ATP5MG: variants seen among roughly 807,000 people sequenced by gnomAD.
The protein encoded by ATP5MG is ATP synthase membrane subunit g.
Under a neutral mutation model 12.7 loss-of-function variants are expected in ATP5MG, and 7 were observed. That is an observed-to-expected ratio of 0.55 (90% CI 0.31 to 1.04). The LOEUF (loss-of-function observed/expected upper bound fraction) is 1.04. Among genes scored for constraint, ATP5MG ranks in the 50% least tolerant of loss-of-function variants. The probability of loss-of-function intolerance (pLI) is 0.05; values close to 1 mark genes in which losing one functional copy is unlikely to be tolerated. For missense variants in ATP5MG, 116 were observed against 126.7 expected, an observed-to-expected ratio of 0.92 and a Z score of 0.41; for synonymous variants, 53 against 48.2, an observed-to-expected ratio of 1.10 and a Z score of -0.41.
intron 1 of ATP5MG, 40 bp downstream of exon 1, chr11:118,401,757 G>C (rs782560095): frequency 6.2e-7 from 1 of 1,603,188 alleles, no homozygotes; most frequent in South Asian, 1.1e-5. Flanking sequence ...GCACACGGGC[G>C]GCAGGGAGGC....
intron 2 of ATP5MG, 52 bp from the exon 3 acceptor site, chr11:118,408,948 T>TAA: frequency 2.2e-6 from 1 of 449,758 alleles, no homozygotes; most frequent in Non-Finnish European, 3.5e-6. Flanking sequence ...TATATATATA[T>TAA]AATTATATAT....
chr11:118,406,961 G>C lies in ATP5MG; in HGVS notation c.77G>C (p.Arg26Pro), dbSNP rs571756379. 6.2e-7 allele frequency: 1 copy of C among 1,611,914 alleles called. No homozygotes were observed. Among genetic ancestry groups the C allele is most frequent in the Non-Finnish European group, 8.5e-7 (1 of 1,178,990 alleles). The change falls in exon 2 of 3, where the codon CGA becomes CCA. Residue 26 changes from arginine to proline, a missense_variant. Arg to Pro is a moderately radical substitution (Grantham distance 103, BLOSUM62 -2). Transcript: ENST00000300688. ...GCTGCTGTGACTTACTCGAAGCCTC[G>C]ATTGGCCACATTTTGGTACTACGCC... ...VNAAVTYSKP[R>P]LATFWYYAKV... is the part of the protein sequence containing the mutation.
intron 1 of ATP5MG, among the ~76,000 whole-genome samples, chr11:118,404,764 A>G (rs1948958175): frequency 1.3e-5 from 2 of 152,224 alleles, no homozygotes; most frequent in Non-Finnish European, 1.5e-5. Context: ...AGCCTATCCC[A>G]TAAAGGCAAG....
chr11:118,401,683 T>TA lies in ATP5MG; in HGVS notation c.20dup (p.Asn7LysfsTer31). 6.2e-7 allele frequency: 1 copy of TA among 1,614,034 alleles called. No individual in the cohort carries two copies. The highest frequency in any genetic ancestry group is 8.5e-7 in the Non-Finnish European group (1 of 1,179,986). ...CCAGAACCATGGCCCAATTTGTCCG[T>TA]AACCTTGTGGAGAAGACCCCGGCGC... On this transcript the variant is annotated frameshift_variant, in exon 1 of 3. Transcript: ENST00000300688. LOFTEE classifies it high-confidence loss of function.
Position 118,409,135 on chromosome 11 carries a change from T to C in ATP5MG, c.*37T>C. ...TAACATCTGATTATATTTGATTTAT[T>C]ATTTGAGTGTTGTTGGACCATGTGT... On this transcript the variant is annotated 3_prime_UTR_variant, in exon 3 of 3. Coordinates refer to ENST00000300688, the MANE Select transcript of ATP5MG (RefSeq NM_006476.5). 6.9e-7 allele frequency: 1 copy of C among 1,447,462 alleles called. No homozygotes were observed. The allele number at this position is 1,447,462 out of a possible 1,614,324, so 89.7% of individuals were successfully genotyped here.
At chr11:118,402,102 A>G (rs1948932863) in intron 1 of ATP5MG, among the ~76,000 whole-genome samples, 1 of 152,162 alleles carries the variant, frequency 6.6e-6, no homozygotes, top group Admixed American at 6.5e-5. Flanking sequence ...AAAGTAAATC[A>G]ATTCGGCCTC....
chr11:118,404,461 G>A (rs902715759), intron 1 of ATP5MG, among the ~76,000 whole-genome samples: 1 of 152,116 alleles, frequency 6.6e-6, no homozygotes, highest in Non-Finnish European at 1.5e-5. Flanking sequence ...ACAGTTTTAA[G>A]GTATCTAGGT....
chr11:118,409,526 G>C lies in ATP5MG; in HGVS notation c.*428G>C, dbSNP rs1291958928. The C allele has an allele frequency of 3.9e-5, 6 of 152,274 alleles. No homozygotes were observed. Among genetic ancestry groups the C allele is most frequent in the African/African-American group, 1.4e-4 (6 of 41,430 alleles). 9.4% of individuals were successfully genotyped at this position (152,274 alleles called of 1,614,324 possible). A position where few individuals can be genotyped will look rare whatever the true frequency, so the allele number is the denominator to read the frequency against. On this transcript the variant is annotated 3_prime_UTR_variant, in exon 3 of 3. Coordinates refer to ENST00000300688, the MANE Select transcript of ATP5MG (RefSeq NM_006476.5). The stretch of plus-strand genomic sequence containing the variant: ...CAGTAGTTAGAATAACATTTCAACT[G>C]TTTTCTTTGCTAAAATCACAGAAAG...
At chr11:118,407,506 T>C (rs1395718210) in intron 2 of ATP5MG, 1 of 163,938 alleles carries the variant, frequency 6.1e-6, no homozygotes, top group African/African-American at 2.4e-5. Flanking sequence ...ACACTTCTTA[T>C]ATATAAGATA....
chr11:118,405,570 G>T (rs1565546310), intron 1 of ATP5MG: 1 of 782,208 alleles, frequency 1.3e-6, no homozygotes, highest in Non-Finnish European at 1.6e-6. Context: ...TTTTTTTAAG[G>T]ATGAAATGTC....
In ATP5MG at chr11:118,401,709, T is replaced by C. The variant is rs1555131102; in HGVS notation, c.44T>C (p.Leu15Pro). 6.2e-7 allele frequency: 1 copy of C among 1,613,002 alleles called. No homozygotes were observed. The highest frequency in any genetic ancestry group is 8.5e-7 in the Non-Finnish European group (1 of 1,179,258). ...AACCTTGTGGAGAAGACCCCGGCGCTGGTGAACGGTGAGCGCGATGTGAGA... is the reference window on the plus strand; with the variant it reads ...AACCTTGTGGAGAAGACCCCGGCGCCGGTGAACGGTGAGCGCGATGTGAGA... ...VRNLVEKTPA[L>P]VNAAVTYSKP... Residue 15 changes from leucine (L) to proline (P), a missense_variant, in exon 1 of 3, where the codon CTG becomes CCG. Coordinates refer to ENST00000300688, the MANE Select transcript of ATP5MG (RefSeq NM_006476.5).
chr11:118,407,003 C>T lies in ATP5MG; in HGVS notation c.119C>T (p.Pro40Leu), dbSNP rs1165343213. 2.5e-6 allele frequency: 4 copies of T among 1,613,916 alleles called. No individual in the cohort carries two copies. The highest frequency in any genetic ancestry group is 2.5e-6 in the Non-Finnish European group (3 of 1,180,006). ...TACTACGCCAAGGTTGAGCTGGTTC[C>T]TCCCACCCCTGCTGAGATCCCTAGA... ...FWYYAKVELVPPTPAEIPRAI... is the reference protein window; with the variant it reads ...FWYYAKVELVLPTPAEIPRAI... The change falls in exon 2 of 3, where the codon CCT (proline) becomes CTT (leucine). Residue 40 changes from proline (P) to leucine (L), a missense_variant. Pro to Leu is a moderately conservative substitution (Grantham distance 98). Transcript: ENST00000300688.
chr11:118,402,723 A>C (rs1487394791), intron 1 of ATP5MG, among the ~76,000 whole-genome samples: 3 of 145,482 alleles, frequency 2.1e-5, no homozygotes, highest in Non-Finnish European at 4.5e-5. Flanking sequence ...TTCCTAGAAG[A>C]CAGGGACTCA....
chr11:118,404,007 A>G (rs1948952321), intron 1 of ATP5MG: 1 of 152,184 alleles, frequency 6.6e-6, no homozygotes, highest in Admixed American at 6.5e-5. Context: ...GTTATGAAAT[A>G]TATAATATGA....
chr11:118,401,855 C>G lies in ATP5MG; in HGVS notation c.52+138C>G, dbSNP rs1948930344. 3 of 1,025,232 alleles carry G rather than the reference C, an allele frequency of 2.9e-6. No homozygotes were observed. In the East Asian group the frequency reaches 7.9e-5, roughly 27 times the overall value. 63.5% of individuals were successfully genotyped at this position (1,025,232 alleles called of 1,614,324 possible). A position where few individuals can be genotyped will look rare whatever the true frequency, so the allele number is the denominator to read the frequency against. On this transcript the variant is annotated intron_variant, in intron 1 of 2. Coordinates refer to ENST00000300688, the MANE Select transcript of ATP5MG (RefSeq NM_006476.5). ...CGGGATGGCCTGCAGGTGGAGGGAG[C>G]AGGAAGCAGGTTGGCGACTCTTTTC... is the stretch of plus-strand genomic sequence containing the variant.
chr11:118,407,348 G>T, intron 2 of ATP5MG: 3 of 475,316 alleles, frequency 6.3e-6, no homozygotes, highest in Non-Finnish European at 7.1e-6. Flanking sequence ...ATTTTTATTG[G>T]GAAATTTTTT....
intron 1 of ATP5MG, among the ~76,000 whole-genome samples, chr11:118,403,753 A>G (rs1447737391): frequency 6.7e-6 from 1 of 149,732 alleles, no homozygotes; most frequent in Non-Finnish European, 1.5e-5. Flanking sequence ...AGATTGCGCC[A>G]CTGCACTCCA....
At position 118,401,626 on chromosome 11, in the gene ATP5MG, A is replaced by G. The variant is rs367816246; in HGVS notation, c.-40A>G. 8.7e-6 allele frequency: 14 copies of G among 1,613,260 alleles called. No individual in the cohort carries two copies. The highest frequency in any genetic ancestry group is 1.2e-5 in the Non-Finnish European group (14 of 1,179,502). On this transcript the variant is annotated 5_prime_UTR_variant, in exon 1 of 3. Coordinates refer to ENST00000300688, the MANE Select transcript of ATP5MG (RefSeq NM_006476.5). ...CGGGTCCTTCCGGCGGGTGACATTC[A>G]GCCGGCGGTTCGGGGCGACGGACTC...
chr11:118,404,407 G>C (rs1241249899), intron 1 of ATP5MG, among the ~76,000 whole-genome samples: 16 of 152,152 alleles, frequency 1.1e-4, no homozygotes, highest in African/African-American at 3.6e-4. Flanking sequence ...ATCTCCTCTG[G>C]TCTGGGACAG....
Sources: allele counts gnomAD v4.1 joint callset (sites outside exome capture counted in the v4.1 genomes callset), GRCh38; gene constraint gnomAD v4.1.1; transcripts MANE v1.5; gene names NCBI Gene and HGNC (gene_info 2026-07-23, HGNC 2026-07-21).